Variants in PTPRG observed in about 807,000 individuals in gnomAD.
The protein encoded by PTPRG is protein tyrosine phosphatase receptor type G, also known as receptor-type tyrosine-protein phosphatase gamma.
Under a neutral mutation model 165.3 loss-of-function variants are expected in PTPRG, and 102 were observed. The ratio of observed to expected loss-of-function variants is 0.62; its 90% confidence interval spans 0.53 to 0.73. The LOEUF (loss-of-function observed/expected upper bound fraction) is 0.73. Ranked by LOEUF, PTPRG falls within the 30% of genes least tolerant of loss-of-function variation. The probability of loss-of-function intolerance (pLI) is 0.00; values close to 1 mark genes in which losing one functional copy is unlikely to be tolerated. For synonymous variants in PTPRG, 675 were observed against 669.5 expected, an observed-to-expected ratio of 1.01 and a Z score of -0.13; for missense variants, 1,866 against 1,861.4, an observed-to-expected ratio of 1.00 and a Z score of -0.05.
chr3:61,947,866 T>C (rs968363628), intron 2 of PTPRG, among the ~76,000 whole-genome samples: 7 of 152,214 alleles, frequency 4.6e-5, no homozygotes, highest in African/African-American at 1.7e-4. Context: ...TCTGCCTGCC[T>C]CCTTTTTCAG....
chr3:61,839,573 A>G (rs1575709273), intron 2 of PTPRG, among the ~76,000 whole-genome samples: 1 of 152,324 alleles, frequency 6.6e-6, no homozygotes, highest in East Asian at 1.9e-4. Flanking sequence ...AACTGAAAAG[A>G]TAGGAATTTG....
intron 2 of PTPRG, among the ~76,000 whole-genome samples, chr3:61,795,431 T>G (rs1289891918): frequency 6.6e-6 from 1 of 151,504 alleles, no homozygotes; most frequent in Non-Finnish European, 1.5e-5. Flanking sequence ...TCATCTGAGG[T>G]CAGTTCAAGA....
chr3:62,093,112 C>T (rs1247238050), intron 5 of PTPRG, among the ~76,000 whole-genome samples: 4 of 152,276 alleles, frequency 2.6e-5, no homozygotes, highest in Non-Finnish European at 4.4e-5. Flanking sequence ...GCCTGAACAT[C>T]GGTATTTTTA....
chr3:61,791,472 G>T (rs1307088512), intron 2 of PTPRG, among the ~76,000 whole-genome samples: 1 of 152,164 alleles, frequency 6.6e-6, no homozygotes, highest in Non-Finnish European at 1.5e-5. Context: ...TTCAGATGCT[G>T]TATTTCTAAT....
Position 62,275,876 on chromosome 3 carries a change from G to T in PTPRG, c.3469G>T (p.Val1157Phe). 6.2e-7 allele frequency: 1 copy of T among 1,603,376 alleles called. No homozygotes were observed. The highest frequency in any genetic ancestry group is 8.5e-7 in the Non-Finnish European group (1 of 1,173,984). Residue 1157 changes from valine to phenylalanine, a missense_variant, in exon 24 of 30, where the codon GTC (valine) becomes TTC (phenylalanine). By Grantham distance (50) the Val-to-Phe change is conservative (BLOSUM62 -1). Transcript: ENST00000474889. ...KTRLEKQFKL[V>F]TQCNAKYVEC... The stretch of plus-strand genomic sequence containing the variant: ...TAAAATGTTTTTTCTTTTTCAGCTG[G>T]TCACACAGTGTAATGCAAAATATGT...
At chr3:61,829,874 G>A (rs2036224116) in intron 2 of PTPRG, among the ~76,000 whole-genome samples, 1 of 152,170 alleles carries the variant, frequency 6.6e-6, no homozygotes, top group African/African-American at 2.4e-5. Flanking sequence ...GTATTTTGGA[G>A]GAAGAGGTTG....
chr3:61,618,585 G>A (rs897878336), intron 1 of PTPRG, among the ~76,000 whole-genome samples: 1 of 152,102 alleles, frequency 6.6e-6, no homozygotes, highest in African/African-American at 2.4e-5. Flanking sequence ...GTTTAGCAGT[G>A]GATGTCGAGG....
At chr3:61,728,503 A>G (rs1390602084) in intron 1 of PTPRG, among the ~76,000 whole-genome samples, 5 of 152,164 alleles carry the variant, frequency 3.3e-5, no homozygotes. Flanking sequence ...GGATCATTTC[A>G]GCCTAGGAGT....
In PTPRG at chr3:61,694,050, A is replaced by G. The variant is rs181731867; in HGVS notation, c.86-54828A>G. 2.0e-3 allele frequency among the ~76,000 whole-genome samples: 309 copies of G among 151,092 alleles called. 1 individual carries two copies. The highest frequency in any genetic ancestry group is 0.018 in the Admixed American group (276 of 15,188). ...AAGAGAGAGAGAGAGAGAGGGAAGC[A>G]AGGCTTTAAAAAGTAGGTGATGTTA... On this transcript the variant is annotated intron_variant, in intron 1 of 29. Coordinates refer to ENST00000474889, the MANE Select transcript of PTPRG (RefSeq NM_002841.4).
rs149094429 is a variant in PTPRG, at chr3:61,951,770, T to C, written c.191-37855T>C. On this transcript the variant is annotated intron_variant, in intron 2 of 29. Transcript: ENST00000474889. ...TGTTGCTGATGGGGTTACTTGATTC[T>C]GTGAAGTGCTCTTTTCTGACTGGTA... 4.3e-3 allele frequency among the ~76,000 whole-genome samples: 654 copies of C among 152,316 alleles called. 4 individuals carry two copies. Among genetic ancestry groups the C allele is most frequent in the African/African-American group, 0.015 (606 of 41,560 alleles).
intron 1 of PTPRG, among the ~76,000 whole-genome samples, chr3:61,716,988 T>C (rs1235276968): frequency 6.6e-6 from 1 of 152,074 alleles, no homozygotes; most frequent in East Asian, 1.9e-4. Context: ...AAATAAAAAA[T>C]AAAAATTCCC....
At chr3:62,016,172 C>CTA (rs2041540496) in intron 4 of PTPRG, among the ~76,000 whole-genome samples, 1 of 151,990 alleles carries the variant, frequency 6.6e-6, no homozygotes, top group Non-Finnish European at 1.5e-5. Context: ...TTTATATTAA[C>CTA]TATATATATT....
At chr3:61,632,452 G>T (rs1001781305) in intron 1 of PTPRG, among the ~76,000 whole-genome samples, 1 of 152,208 alleles carries the variant, frequency 6.6e-6, no homozygotes, top group Non-Finnish European at 1.5e-5. Context: ...TCTAGAGAAA[G>T]AAATCACTTC....
chr3:61,975,520 A>C (rs879577933), intron 2 of PTPRG, among the ~76,000 whole-genome samples: 2 of 152,114 alleles, frequency 1.3e-5, no homozygotes, highest in Non-Finnish European at 2.9e-5. Flanking sequence ...TCCCAGCACT[A>C]GTCTTTTTGG....
chr3:61,967,797 G>A (rs2040303321), intron 2 of PTPRG, among the ~76,000 whole-genome samples: 1 of 152,124 alleles, frequency 6.6e-6, no homozygotes, highest in African/African-American at 2.4e-5. Context: ...TGGAATTTCT[G>A]GGTCAAAGTG....
intron 1 of PTPRG, among the ~76,000 whole-genome samples, chr3:61,620,585 T>A (rs1040030757): frequency 5.9e-5 from 9 of 152,128 alleles, no homozygotes; most frequent in Non-Finnish European, 5.9e-5. Context: ...CAAAGTAATG[T>A]CATTTGGTTT....
intron 1 of PTPRG, among the ~76,000 whole-genome samples, chr3:61,640,647 GT>G (rs1702037064): frequency 2.0e-5 from 3 of 152,178 alleles, no homozygotes; most frequent in Non-Finnish European, 4.4e-5. Flanking sequence ...GAGTCTAATG[GT>G]TGCCATTAAG....
chr3:61,882,717 C>A (rs2037919593), intron 2 of PTPRG, among the ~76,000 whole-genome samples: 1 of 152,166 alleles, frequency 6.6e-6, no homozygotes, highest in African/African-American at 2.4e-5. Context: ...TGCTTGTTCA[C>A]CTGTCTGTCT....
chr3:61,756,346 C>T (rs1236365191), intron 2 of PTPRG, among the ~76,000 whole-genome samples: 2 of 152,122 alleles, frequency 1.3e-5, no homozygotes, highest in Non-Finnish European at 2.9e-5. Context: ...CCTACAGATA[C>T]TATTTTTCTT....
Sources: allele counts gnomAD v4.1 joint callset (sites outside exome capture counted in the v4.1 genomes callset), GRCh38; gene constraint gnomAD v4.1.1; transcripts MANE v1.5; gene names NCBI Gene and HGNC (gene_info 2026-07-23, HGNC 2026-07-21).